Variants in CCDC18 observed in about 807,000 individuals in gnomAD.
CCDC18 encodes the protein coiled-coil domain-containing protein 18.
CCDC18 carries 157 observed loss-of-function variants against 196.0 expected under a neutral mutation model. That is an observed-to-expected ratio of 0.80 (90% CI 0.70 to 0.91). CCDC18 has a LOEUF of 0.91. Ranked by LOEUF, CCDC18 falls within the 40% of genes least tolerant of loss-of-function variation. The pLI is 0.00. For missense variants in CCDC18, 1,465 were observed against 1,611.6 expected (o/e 0.91, Z 1.56); for synonymous variants, 482 against 529.2 (o/e 0.91, Z 1.22).
upstream of CCDC18, chr1:93,180,684 G>A: frequency 6.7e-6 from 9 of 1,344,192 alleles, no homozygotes; most frequent in Non-Finnish European, 7.9e-6. Flanking sequence ...GCCGGGGCGG[G>A]GCAGTGACCG....
intron 22 of CCDC18, among the ~76,000 whole-genome samples, chr1:93,246,532 ATTAT>A (rs1233602640): frequency 1.3e-5 from 2 of 152,112 alleles, no homozygotes; most frequent in Non-Finnish European, 2.9e-5. Flanking sequence ...TGAAGTCTGA[ATTAT>A]TTGTCATTTA....
upstream of CCDC18, chr1:93,180,035 G>A: frequency 1.2e-6 from 2 of 1,608,246 alleles, no homozygotes; most frequent in Non-Finnish European, 1.7e-6. Flanking sequence ...AAGGAGGCTG[G>A]TTTATCCTCC....
At chr1:93,264,420 T>C (rs1451137882) in intron 26 of CCDC18, among the ~76,000 whole-genome samples, 1 of 152,140 alleles carries the variant, frequency 6.6e-6, no homozygotes, top group Non-Finnish European at 1.5e-5. Flanking sequence ...ATTTCCCCAA[T>C]TGTCTCAAAA....
chr1:93,256,690 G>A lies in CCDC18; in HGVS notation c.3546+152G>A, dbSNP rs75209165. 9 of 661,062 alleles carry A rather than the reference G, an allele frequency of 1.4e-5. No individual in the cohort carries two copies. In the East Asian group the frequency reaches 2.5e-4, roughly 18 times the overall value. 40.9% of individuals were successfully genotyped at this position (661,062 alleles called of 1,614,324 possible). On this transcript the variant is annotated intron_variant, in intron 25 of 28. Coordinates refer to ENST00000690025, the MANE Select transcript of CCDC18 (RefSeq NM_001378204.1). ...CCACCGAATTATACACTTAAAAATG[G>A]TTAAAATGGTCAATTTTGTGTGTAT...
chr1:93,218,735 C>G (rs931340390), intron 14 of CCDC18, among the ~76,000 whole-genome samples: 6 of 152,034 alleles, frequency 3.9e-5, no homozygotes, highest in African/African-American at 1.5e-4. Flanking sequence ...ATGTCAAACT[C>G]CTGACCTCGT....
intron 14 of CCDC18, among the ~76,000 whole-genome samples, chr1:93,219,629 G>A (rs780292906): frequency 8.5e-5 from 13 of 152,154 alleles, no homozygotes; most frequent in African/African-American, 2.9e-4. Flanking sequence ...ATTTCATCAC[G>A]CTGCTCAGAA....
rs1394231985 is a variant in CCDC18, at chr1:93,216,741, C to T, written c.1825C>T (p.Leu609Phe). Reference protein sequence around the residue: ...AAKNAELEQELMEKNEKIRSL... With the variant: ...AAKNAELEQEFMEKNEKIRSL... ...AAAAAATGCAGAACTAGAACAGGAG[C>T]TTATGGTAAAACTTATCTTTGTTCC... Residue 609 changes from leucine to phenylalanine, a missense_variant, in exon 13 of 29, where the codon CTT becomes TTT. Leu to Phe is a conservative substitution (Grantham distance 22). Coordinates refer to ENST00000690025, the MANE Select transcript of CCDC18 (RefSeq NM_001378204.1). The T allele has an allele frequency of 6.6e-7, 1 of 1,511,544 alleles. No homozygotes were observed. The highest frequency in any genetic ancestry group is 1.4e-5 in the African/African-American group (1 of 71,078). The allele number at this position is 1,511,544 out of a possible 1,614,324, so 93.6% of individuals were successfully genotyped here.
chr1:93,191,204 T>G lies in CCDC18; in HGVS notation c.463-796T>G, dbSNP rs1651722716. The G allele has an allele frequency of 1.5e-5, 6 of 408,146 alleles. No individual in the cohort carries two copies. In the South Asian group the frequency reaches 1.5e-4, roughly 10 times the overall value. 25.3% of individuals were successfully genotyped at this position (408,146 alleles called of 1,614,324 possible). A position where few individuals can be genotyped will look rare whatever the true frequency, so the allele number is the denominator to read the frequency against. ...GTAAGGTGGGGCTAACCGTTTTATA[T>G]TAATTCCCTTGTTACAGCTGTACTT... On this transcript the variant is annotated intron_variant, in intron 4 of 28. Transcript: ENST00000690025.
At chr1:93,254,339 T>C in intron 23 of CCDC18, 132 bp from the exon 24 acceptor site, 1 of 617,852 alleles carries the variant, frequency 1.6e-6, no homozygotes, top group Non-Finnish European at 2.7e-6. Flanking sequence ...ATTTCCAGGA[T>C]ACGATTGCCT....
chr1:93,182,687 A>G (rs913872608), intron 1 of CCDC18, among the ~76,000 whole-genome samples: 2 of 152,192 alleles, frequency 1.3e-5, no homozygotes, highest in Non-Finnish European at 2.9e-5. Context: ...GCTTTTCTTC[A>G]TTTCTATGAG....
intron 6 of CCDC18, among the ~76,000 whole-genome samples, chr1:93,194,073 G>C (rs1451558424): frequency 6.6e-6 from 1 of 152,036 alleles, no homozygotes. Context: ...GAAAAAGCCT[G>C]TAAATTAATA....
upstream of CCDC18, chr1:93,180,215 G>A (rs1378282033): frequency 3.7e-6 from 6 of 1,612,624 alleles, no homozygotes; most frequent in East Asian, 6.7e-5. Context: ...AGGAGCACGG[G>A]GAAGGGCAGC....
intron 17 of CCDC18, among the ~76,000 whole-genome samples, chr1:93,229,118 C>T (rs1040821884): frequency 2.0e-5 from 3 of 152,252 alleles, no homozygotes; most frequent in Admixed American, 6.5e-5. Context: ...ACTGGAAATA[C>T]ATACCTAGGC....
At chr1:93,254,941 C>CT (rs34139452) in intron 24 of CCDC18, among the ~76,000 whole-genome samples, 18,686 of 44,260 alleles carry the variant, frequency 0.42, 8,356 homozygotes, top group Non-Finnish European at 0.53. Context: ...GAGGAGTCAG[C>CT]TTTTTTTTTT....
At chr1:93,216,567 GT>G in intron 12 of CCDC18, 68 bp from the exon 13 acceptor site, 3 of 728,016 alleles carry the variant, frequency 4.1e-6, no homozygotes, top group South Asian at 4.0e-5. Flanking sequence ...AGGAGCAGGT[GT>G]TTGATCTTAG....
At chr1:93,182,273 A>G (rs924389335) in intron 1 of CCDC18, among the ~76,000 whole-genome samples, 5 of 152,216 alleles carry the variant, frequency 3.3e-5, no homozygotes, top group Admixed American at 2.6e-4. Context: ...ACATCTGAGA[A>G]TTTTTGAGTG....
intron 14 of CCDC18, among the ~76,000 whole-genome samples, chr1:93,220,307 T>C (rs1657199034): frequency 6.6e-6 from 1 of 152,042 alleles, no homozygotes; most frequent in Non-Finnish European, 1.5e-5. Context: ...GGAATGAAGG[T>C]AAAATAAAGA....
intron 6 of CCDC18, among the ~76,000 whole-genome samples, chr1:93,197,274 G>C (rs1048341450): frequency 6.6e-6 from 1 of 152,100 alleles, no homozygotes; most frequent in East Asian, 1.9e-4. Flanking sequence ...CAAGAAAATG[G>C]GCATCAGACA....
At chr1:93,190,843 G>A (rs1651634560) in intron 4 of CCDC18, 2 of 723,278 alleles carry the variant, frequency 2.8e-6, no homozygotes, top group South Asian at 1.4e-5. Flanking sequence ...GTTGGGCTCA[G>A]TGCACTCAAG....
Sources: gnomAD v4.1 joint callset for allele counts (sites outside exome capture counted in the v4.1 genomes callset) on GRCh38, gnomAD v4.1.1 for gene constraint, MANE v1.5 for transcripts, NCBI Gene and HGNC (gene_info 2026-07-23, HGNC 2026-07-21) for gene names.